The following HDAC9 variants were observed in gnomAD, a reference collection of about 807,000 sequenced individuals.
HDAC9 encodes histone deacetylase 9, also known as MEF-2 interacting transcription repressor (MITR) protein.
Under a neutral mutation model 139.4 loss-of-function variants are expected in HDAC9, and 41 were observed. That is an observed-to-expected ratio of 0.29 (90% CI 0.23 to 0.38). HDAC9 has a LOEUF of 0.38. HDAC9 is among the 10% of genes least tolerant of loss of function. The pLI is 1.00. For missense variants in HDAC9, 1,147 were observed against 1,297.0 expected (o/e 0.88, Z 1.78); for synonymous variants, 517 against 476.2 (o/e 1.09, Z -1.12).
Position 18,504,497 on chromosome 7 carries a change from G to T in HDAC9, c.22+8173G>T, listed in dbSNP as rs573476045. ...TTTTTGTAGTTTTAGTAGAGATGGG[G>T]TTTCGCCATATTGGCCAGGCTGGTC... On this transcript the variant is annotated intron_variant, in intron 2 of 25. Coordinates refer to ENST00000686413, the MANE Select transcript of HDAC9 (RefSeq NM_178425.4). Among the ~76,000 whole-genome samples, 12 of 152,296 alleles carry T rather than the reference G, an allele frequency of 7.9e-5. No individual in the cohort carries two copies. In the East Asian group the frequency reaches 2.1e-3, roughly 27 times the overall value.
intron 1 of HDAC9, among the ~76,000 whole-genome samples, chr7:18,313,691 T>C (rs894457386): frequency 6.6e-6 from 1 of 152,230 alleles, no homozygotes; most frequent in Non-Finnish European, 1.5e-5. Flanking sequence ...TTTAAAATGC[T>C]ACTCTTGAAT....
chr7:18,131,216 C>T (rs941175066), intron 1 of HDAC9, among the ~76,000 whole-genome samples: 3 of 152,024 alleles, frequency 2.0e-5, no homozygotes, highest in African/African-American at 7.2e-5. Context: ...ACATACGTAC[C>T]CAAATCTCTT....
intron 1 of HDAC9, among the ~76,000 whole-genome samples, chr7:18,155,637 A>G (rs139453862): frequency 7.9e-5 from 12 of 152,254 alleles, no homozygotes; most frequent in African/African-American, 2.6e-4. Flanking sequence ...GGTTCTCCTA[A>G]AAGTCTTAGA....
chr7:18,683,790 C>A (rs1782058188), intron 12 of HDAC9, among the ~76,000 whole-genome samples: 2 of 151,988 alleles, frequency 1.3e-5, no homozygotes, highest in African/African-American at 2.4e-5. Context: ...CTGGAGGCAT[C>A]AAAGTCTGAG....
At chr7:18,211,866 GA>G (rs1791961607) in intron 2 of HDAC9, among the ~76,000 whole-genome samples, 1 of 152,192 alleles carries the variant, frequency 6.6e-6, no homozygotes, top group African/African-American at 2.4e-5. Flanking sequence ...GGAGACTTAA[GA>G]GGGCGTCAGA....
chr7:18,792,449 A>C (rs1792406063), intron 16 of HDAC9, among the ~76,000 whole-genome samples: 1 of 151,932 alleles, frequency 6.6e-6, no homozygotes, highest in African/African-American at 2.4e-5. Context: ...GAAGTATTTT[A>C]TATATTAAAA....
intron 17 of HDAC9, among the ~76,000 whole-genome samples, chr7:18,800,310 AC>A (rs1793177824): frequency 6.6e-6 from 1 of 152,162 alleles, no homozygotes; most frequent in African/African-American, 2.4e-5. Flanking sequence ...AAATTTTTTC[AC>A]TTTCTTATTC....
At chr7:18,347,972 T>C (rs977203806) in intron 1 of HDAC9, among the ~76,000 whole-genome samples, 1 of 152,202 alleles carries the variant, frequency 6.6e-6, no homozygotes, top group African/African-American at 2.4e-5. Context: ...TTGACAGTCA[T>C]AGATTCTTGC....
intron 1 of HDAC9, among the ~76,000 whole-genome samples, chr7:18,437,897 A>G (rs1201747148): frequency 6.6e-6 from 1 of 151,410 alleles, no homozygotes; most frequent in Admixed American, 6.6e-5. Flanking sequence ...TTTTCTGAAC[A>G]TTTACACACA....
intron 11 of HDAC9, among the ~76,000 whole-genome samples, chr7:18,662,901 A>G (rs1346950324): frequency 6.6e-6 from 1 of 152,114 alleles, no homozygotes; most frequent in Non-Finnish European, 1.5e-5. Context: ...TTCCTAGCTC[A>G]TTCAGCTGCT....
At chr7:18,270,791 C>T (rs1328572434) in intron 2 of HDAC9, among the ~76,000 whole-genome samples, 1 of 151,876 alleles carries the variant, frequency 6.6e-6, no homozygotes, top group East Asian at 1.9e-4. Flanking sequence ...GGTCTTCTGA[C>T]AAGCTAAATA....
At chr7:18,154,741 T>A (rs1237225503) in intron 1 of HDAC9, among the ~76,000 whole-genome samples, 2 of 152,202 alleles carry the variant, frequency 1.3e-5, no homozygotes, top group Admixed American at 6.5e-5. Flanking sequence ...CACAGAATTT[T>A]AAAAAATGTA....
rs1201540000 is a variant in HDAC9, at chr7:18,560,903, G to A, written c.23-24378G>A. 2.6e-5 allele frequency among the ~76,000 whole-genome samples: 4 copies of A among 152,218 alleles called. No individual in the cohort carries two copies. The East Asian group carries it at 5.8e-4, about 22-fold the overall frequency. On this transcript the variant is annotated intron_variant, in intron 2 of 25. Coordinates refer to ENST00000686413, the MANE Select transcript of HDAC9 (RefSeq NM_178425.4). ...CCATGAAGGTCAGATAACACATCTGGAAGTTTGCTTGGACCTCACCTTGTC... is the reference window on the plus strand; with the variant it reads ...CCATGAAGGTCAGATAACACATCTGAAAGTTTGCTTGGACCTCACCTTGTC...
chr7:18,596,120 T>C (rs1832420328), intron 6 of HDAC9, among the ~76,000 whole-genome samples: 1 of 152,108 alleles, frequency 6.6e-6, no homozygotes, highest in East Asian at 1.9e-4. Context: ...CAGTATTTCA[T>C]GTTTCTTCCT....
intron 1 of HDAC9, among the ~76,000 whole-genome samples, chr7:18,335,316 A>T (rs910048966): frequency 6.6e-6 from 1 of 151,522 alleles, no homozygotes; most frequent in African/African-American, 2.4e-5. Flanking sequence ...AAAAATACTG[A>T]TCTTTATGCC....
intron 22 of HDAC9, among the ~76,000 whole-genome samples, chr7:18,905,733 G>C (rs1213546643): frequency 6.6e-6 from 1 of 152,172 alleles, no homozygotes; most frequent in Non-Finnish European, 1.5e-5. Flanking sequence ...CCAATTTCTA[G>C]AAGTATTTCA....
chr7:18,744,822 T>C (rs1193048023), intron 13 of HDAC9, among the ~76,000 whole-genome samples: 1 of 152,080 alleles, frequency 6.6e-6, no homozygotes, highest in Non-Finnish European at 1.5e-5. Flanking sequence ...ATCTAAAAAA[T>C]TTATCAAGAA....
intron 13 of HDAC9, among the ~76,000 whole-genome samples, chr7:18,742,503 TA>T (rs1301096080): frequency 2.0e-5 from 3 of 152,206 alleles, no homozygotes; most frequent in African/African-American, 7.2e-5. Flanking sequence ...TTTACAAGCA[TA>T]AGCAAACCAA....
intron 16 of HDAC9, among the ~76,000 whole-genome samples, chr7:18,791,586 T>C (rs1393658099): frequency 1.3e-5 from 2 of 152,160 alleles, no homozygotes; most frequent in African/African-American, 4.8e-5. Flanking sequence ...CTTCACTCTT[T>C]AGCTGACAGT....
Sources: gnomAD v4.1 joint callset for allele counts (sites outside exome capture counted in the v4.1 genomes callset) on GRCh38, gnomAD v4.1.1 for gene constraint, MANE v1.5 for transcripts, NCBI Gene and HGNC (gene_info 2026-07-23, HGNC 2026-07-21) for gene names.